The following TCF20 variants were observed in gnomAD, a reference collection of about 807,000 sequenced individuals.
TCF20 encodes the protein SPRE-binding protein.
TCF20 carries 3 observed loss-of-function variants against 148.6 expected under a neutral mutation model. That is an observed-to-expected ratio of 0.02 (90% CI 0.01 to 0.05). The LOEUF (loss-of-function observed/expected upper bound fraction) is 0.05, where lower values mean the gene tolerates loss of function less well. Among genes scored for constraint, TCF20 ranks in the 10% least tolerant of loss-of-function variants. The pLI is 1.00. For synonymous variants in TCF20, 1,049 were observed against 909.5 expected (o/e 1.15, Z -2.76); for missense variants, 2,350 against 2,429.3 (o/e 0.97, Z 0.69).
At chr22:42,239,268 G>A (rs1177115777) in intron 1 of TCF20, among the ~76,000 whole-genome samples, 2 of 151,992 alleles carry the variant, frequency 1.3e-5, no homozygotes, top group Non-Finnish European at 2.9e-5. Context: ...TCTGAGAACA[G>A]GAGTTCGAGA....
At position 42,290,017 on chromosome 22, in the gene TCF20, G is replaced by A. The variant is rs1927104425; in HGVS notation, c.-37+53462C>T. 6.6e-6 allele frequency among the ~76,000 whole-genome samples: 1 copy of A among 152,244 alleles called. No homozygotes were observed. The highest frequency in any genetic ancestry group is 1.5e-5 in the Non-Finnish European group (1 of 68,042). ...TCCTCGGCGTGTGCAGGCGGCCGGGGCGATGTTCCAGGAATATTAATTCTC... is the reference window on the plus strand; with the variant it reads ...TCCTCGGCGTGTGCAGGCGGCCGGGACGATGTTCCAGGAATATTAATTCTC... On this transcript the variant is annotated intron_variant, in intron 1 of 1. Transcript: ENST00000515426. This position sits in a 1 kb window ranked among gnomAD's most constrained non-coding sequence, Gnocchi z 4.2.
chr22:42,301,100 G>A (rs571721948), intron 1 of TCF20, among the ~76,000 whole-genome samples: 5 of 152,292 alleles, frequency 3.3e-5, no homozygotes, highest in Admixed American at 2.6e-4. Context: ...CCAGGGTGGA[G>A]GTGTAAATGG....
At chr22:42,222,683 GCT>G (rs1048488605) in intron 1 of TCF20, among the ~76,000 whole-genome samples, 55 of 152,234 alleles carry the variant, frequency 3.6e-4, no homozygotes, top group African/African-American at 1.3e-3. Context: ...GTTCTTAAGA[GCT>G]CTTAGAATGT....
At chr22:42,325,109 A>G (rs1927851108) in intron 1 of TCF20, among the ~76,000 whole-genome samples, 1 of 152,190 alleles carries the variant, frequency 6.6e-6, no homozygotes, top group Non-Finnish European at 1.5e-5. Flanking sequence ...AGCCCCAACT[A>G]CAGATGCCTC....
chr22:42,301,090 C>T (rs1201629172), intron 1 of TCF20, among the ~76,000 whole-genome samples: 2 of 151,886 alleles, frequency 1.3e-5, no homozygotes, highest in Admixed American at 6.6e-5. Flanking sequence ...TCTGCACTTA[C>T]CAGGGTGGAG....
At chr22:42,330,080 C>A (rs1246299743) in intron 1 of TCF20, among the ~76,000 whole-genome samples, 1 of 152,218 alleles carries the variant, frequency 6.6e-6, no homozygotes. Context: ...CACCGCCACC[C>A]CATCTGAGTG....
Position 42,214,948 on chromosome 22 carries a change from G to A in TCF20, c.358C>T (p.Pro120Ser), listed in dbSNP as rs371168090. 3 of 1,614,218 alleles carry A rather than the reference G, an allele frequency of 1.9e-6. No homozygotes were observed. The highest frequency in any genetic ancestry group is 2.5e-6 in the Non-Finnish European group (3 of 1,180,032). ...TTGCCAAAGCTGCTCCCCTGGGGGG[G>A]TCCATAGCTCTGCACAGGCCCAGAA... ...RPSGPVQSYGPPQGSSFGNQY... is the reference protein window; with the variant it reads ...RPSGPVQSYGSPQGSSFGNQY... Residue 120 changes from proline to serine, a missense_variant, in exon 2 of 6, where the codon CCC (proline) becomes TCC (serine). Physicochemically the swap from Pro to Ser is moderately conservative, Grantham distance 74. Coordinates refer to ENST00000677622, the MANE Select transcript of TCF20 (RefSeq NM_001378418.1).
Position 42,211,743 on chromosome 22 carries a change from C to G in TCF20, c.3563G>C (p.Cys1188Ser). Reference protein sequence around the residue: ...KHGSQKLQESCWDLSRQTSPA... With the variant: ...KHGSQKLQESSWDLSRQTSPA... The stretch of plus-strand genomic sequence containing the variant: ...AGAAGTTTGCCGAGAAAGATCCCAA[C>G]AGGATTCTTGTAACTTCTGGGAGCC... Residue 1188 changes from cysteine (C) to serine (S), a missense_variant, in exon 2 of 6, where the codon TGT (cysteine) becomes TCT (serine). By Grantham distance (112) the Cys-to-Ser change is moderately radical. Around this residue, in one of 7 missense-constraint regions of TCF20, gnomAD observed 1,641 missense variants for 1,662.6 expected, o/e 0.99. Coordinates refer to ENST00000677622, the MANE Select transcript of TCF20 (RefSeq NM_001378418.1). 1.9e-6 allele frequency: 3 copies of G among 1,614,222 alleles called. No individual in the cohort carries two copies. The highest frequency in any genetic ancestry group is 2.5e-6 in the Non-Finnish European group (3 of 1,180,042).
At chr22:42,200,641 CAA>C (rs34605295) in intron 2 of TCF20, among the ~76,000 whole-genome samples, 8 of 96,470 alleles carry the variant, frequency 8.3e-5, no homozygotes, top group African/African-American at 8.5e-5. Context: ...GACTTCGTCT[CAA>C]AAAAAAAAAA....
chr22:42,228,298 C>T (rs1923089916), intron 1 of TCF20, among the ~76,000 whole-genome samples: 1 of 152,146 alleles, frequency 6.6e-6, no homozygotes, highest in Non-Finnish European at 1.5e-5. Context: ...ACAGAAATTG[C>T]TAACGGATCA....
chr22:42,247,825 T>A (rs1283388867), intron 1 of TCF20, among the ~76,000 whole-genome samples: 1 of 152,072 alleles, frequency 6.6e-6, no homozygotes, highest in African/African-American at 2.4e-5. Flanking sequence ...CCTTGACCTG[T>A]CTCCTACTTG....
chr22:42,307,924 A>G (rs1927464394), intron 1 of TCF20, among the ~76,000 whole-genome samples: 1 of 152,220 alleles, frequency 6.6e-6, no homozygotes, highest in Admixed American at 6.5e-5. Context: ...AGGCACTGCT[A>G]TCTCCCAGCT....
intron 1 of TCF20, among the ~76,000 whole-genome samples, chr22:42,313,699 A>C (rs1400798025): frequency 1.4e-5 from 2 of 147,320 alleles, no homozygotes; most frequent in Admixed American, 6.9e-5. Flanking sequence ...TCCTGTGTTC[A>C]AGCAGTTCTC....
chr22:42,307,817 T>C lies in TCF20; in HGVS notation c.-37+35662A>G, dbSNP rs115041215. Among the ~76,000 whole-genome samples the C allele has an allele frequency of 4.6e-3, 699 of 152,262 alleles. 8 individuals are homozygous for C. Among genetic ancestry groups the C allele is most frequent in the African/African-American group, 0.016 (666 of 41,550 alleles). ...CTTCACACTCTCCCCTACCCAGCGG[T>C]GTGACTCCGGTCAGGTCCCTCAGAC... On this transcript the variant is annotated intron_variant, in intron 1 of 1. Transcript: ENST00000515426.
chr22:42,216,044 C>T (rs148635378), intron 1 of TCF20, among the ~76,000 whole-genome samples: 5 of 98,810 alleles, frequency 5.1e-5, no homozygotes, highest in South Asian at 3.9e-4. Flanking sequence ...CCCAGTTATG[C>T]GGGGGAGGGG....
intron 1 of TCF20, among the ~76,000 whole-genome samples, chr22:42,228,456 AC>A (rs1923104785): frequency 6.6e-6 from 1 of 152,204 alleles, no homozygotes; most frequent in African/African-American, 2.4e-5. Flanking sequence ...ACAAGTGACA[AC>A]CCCACTTTAT....
chr22:42,208,132 C>A (rs1938514322), intron 2 of TCF20, among the ~76,000 whole-genome samples: 1 of 150,984 alleles, frequency 6.6e-6, no homozygotes, highest in Admixed American at 6.6e-5. Flanking sequence ...GAGCCATCAT[C>A]ACATCACTGC....
intron 1 of TCF20, among the ~76,000 whole-genome samples, chr22:42,243,310 A>AAAAAAAACAAAAAAAAAAC (rs1924617974): frequency 1.4e-5 from 2 of 140,952 alleles, no homozygotes; most frequent in African/African-American, 6.1e-5. Context: ...AAAAAAAAAA[A>AAAAAAAACAAAAAAAAAAC]AAAAAAAAAA....
At chr22:42,245,425 T>C (rs1924824498) in intron 1 of TCF20, among the ~76,000 whole-genome samples, 1 of 152,156 alleles carries the variant, frequency 6.6e-6, no homozygotes. Context: ...TGCAAAAACA[T>C]GAAACGTGGA....
Sources: allele counts gnomAD v4.1 joint callset (sites outside exome capture counted in the v4.1 genomes callset), GRCh38; gene constraint gnomAD v4.1.1; regional missense constraint gnomAD v4.1.1; non-coding constraint Gnocchi (gnomAD v3.1); transcripts MANE v1.5; gene names NCBI Gene and HGNC (gene_info 2026-07-23, HGNC 2026-07-21).